Variants in ABCG4 observed in about 807,000 individuals in gnomAD.
The protein encoded by ABCG4 is ATP binding cassette subfamily G member 4.
ABCG4 carries 35 observed loss-of-function variants against 64.6 expected under a neutral mutation model. The ratio of observed to expected loss-of-function variants is 0.54; its 90% confidence interval spans 0.41 to 0.72. The LOEUF (loss-of-function observed/expected upper bound fraction) is 0.72. Ranked by LOEUF, ABCG4 falls within the 30% of genes least tolerant of loss-of-function variation. The pLI is 0.00. For synonymous variants in ABCG4, 326 were observed against 348.2 expected (o/e 0.94, Z 0.71); for missense variants, 610 against 846.3 (o/e 0.72, Z 3.46).
chr11:119,151,882 T>C (rs1486484632), intron 2 of ABCG4, among the ~76,000 whole-genome samples: 1 of 152,200 alleles, frequency 6.6e-6, no homozygotes, highest in Admixed American at 6.5e-5. Context: ...CTGTGTGACC[T>C]TGGGCAGGCT....
At chr11:119,153,829 G>C (rs1948224784) in intron 2 of ABCG4, 197 bp from the exon 3 acceptor site, 1 of 601,418 alleles carries the variant, frequency 1.7e-6, no homozygotes, top group Non-Finnish European at 3.0e-6. Context: ...TTTGATATTA[G>C]TGGTGGTCGT....
chr11:119,157,051 G>A, intron 9 of ABCG4, 37 bp downstream of exon 9: 4 of 1,561,170 alleles, frequency 2.6e-6, no homozygotes, highest in Non-Finnish European at 3.5e-6. Flanking sequence ...AGGCATAGTT[G>A]GGGAGGGGAG....
chr11:119,159,900 C>T (rs914857366), intron 12 of ABCG4, among the ~76,000 whole-genome samples: 1 of 151,962 alleles, frequency 6.6e-6, no homozygotes, highest in African/African-American at 2.4e-5. Flanking sequence ...AATGGCTCTC[C>T]TATGGAGAGT....
rs370066057 is a variant in ABCG4, at chr11:119,149,931, C to T, written c.-12-23C>T. The T allele has an allele frequency of 7.0e-5, 111 of 1,591,874 alleles. No individual in the cohort carries two copies. The highest frequency in any genetic ancestry group is 2.2e-4 in the Middle Eastern group (1 of 4,550). ...GCCGGGCTCGGTGGTCTGCCCCAAACTGAGCAGGCCCTCCCCTTGCAGGTC... is the reference window on the plus strand; with the variant it reads ...GCCGGGCTCGGTGGTCTGCCCCAAATTGAGCAGGCCCTCCCCTTGCAGGTC... On this transcript the variant is annotated intron_variant, in intron 1 of 14. Coordinates refer to ENST00000619701, the MANE Select transcript of ABCG4 (RefSeq NM_022169.5). The surrounding 1 kb of genome is among the most constrained non-coding windows in gnomAD (Gnocchi z 8.3).
rs749677316 is a variant in ABCG4, at chr11:119,160,364, A to C, written c.1575A>C (p.Gly525=). The change falls in exon 13 of 15, where the codon GGA becomes GGC. Residue 525 remains glycine (G), a synonymous_variant. Transcript: ENST00000619701. The surrounding 1 kb of genome is among the most constrained non-coding windows in gnomAD (Gnocchi z 4.6). ...LVAQSLGLLI[G]AASNSLQVAT... ...CCCAATCTTTGGGGCTGCTGATCGG[A>C]GCTGCTTCCAACTCCCTACAGGTGG... 6.2e-7 allele frequency: 1 copy of C among 1,611,422 alleles called. No individual in the cohort carries two copies. The highest frequency in any genetic ancestry group is 1.1e-5 in the South Asian group (1 of 90,996).
In ABCG4 at chr11:119,156,808, G is replaced by T. The variant is rs1472367061; in HGVS notation, c.926-64G>T. The T allele has an allele frequency of 6.9e-6, 11 of 1,588,924 alleles. No individual in the cohort carries two copies. Among genetic ancestry groups the T allele is most frequent in the Non-Finnish European group, 9.5e-6 (11 of 1,163,280 alleles). ...CTGCCTTCCCCACACACCCAAGGCG[G>T]GACTGACTTGCCCTTGGGAAGTGAG... On this transcript the variant is annotated intron_variant, in intron 8 of 14. Transcript: ENST00000619701. The surrounding 1 kb of genome is among the most constrained non-coding windows in gnomAD (Gnocchi z 5.5).
intron 9 of ABCG4, 90 bp downstream of exon 9, chr11:119,157,104 A>G (rs1592306624): frequency 6.7e-7 from 1 of 1,500,550 alleles, no homozygotes; most frequent in Non-Finnish European, 8.9e-7. Context: ...GCTGTTCCCC[A>G]GAGGCATTGC....
rs752683213 is a variant in ABCG4 at position 119,160,281 on chromosome 11, G to A, written c.1492G>A (p.Ala498Thr). 1.2e-5 allele frequency: 20 copies of A among 1,613,638 alleles called. 1 individual carries two copies. Among genetic ancestry groups the A allele is most frequent in the South Asian group, 1.1e-4 (10 of 91,082 alleles). ...TGTGTACTGGATGACGGGCCAGCCC[G>A]CTGAGACCAGCCGCTTCCTGCTCTT... The part of the protein sequence containing the change: ...SIVYWMTGQP[A>T]ETSRFLLFSA... Residue 498 changes from alanine (A) to threonine (T), a missense_variant, in exon 13 of 15, where the codon GCT becomes ACT. Coordinates refer to ENST00000619701, the MANE Select transcript of ABCG4 (RefSeq NM_022169.5). This position sits in a 1 kb window ranked among gnomAD's most constrained non-coding sequence, Gnocchi z 4.6.
intron 2 of ABCG4, chr11:119,153,818 C>T (rs144110776): frequency 3.5e-6 from 2 of 578,600 alleles, no homozygotes; most frequent in South Asian, 2.1e-5. Flanking sequence ...GCCTCTGGTA[C>T]TTTGATATTA....
chr11:119,149,725 G>A lies in ABCG4; in HGVS notation c.-12-229G>A. 1.6e-6 allele frequency: 1 copy of A among 614,682 alleles called. No individual in the cohort carries two copies. Among genetic ancestry groups the A allele is most frequent in the Non-Finnish European group, 2.7e-6 (1 of 363,898 alleles). The allele number at this position is 614,682 out of a possible 1,614,324, so 38.1% of individuals were successfully genotyped here. ...AGAGAAGCCGCCGGGAGGAAGGAGCGATTGAGGGCTTCAAGGGGACGGGCT... is the reference window on the plus strand; with the variant it reads ...AGAGAAGCCGCCGGGAGGAAGGAGCAATTGAGGGCTTCAAGGGGACGGGCT... On this transcript the variant is annotated intron_variant, in intron 1 of 14. Transcript: ENST00000619701. This position sits in a 1 kb window ranked among gnomAD's most constrained non-coding sequence, Gnocchi z 8.3.
At position 119,150,527 on chromosome 11, in the gene ABCG4, G is replaced by A. The variant is rs1948182720; in HGVS notation, c.238+324G>A. Among the ~76,000 whole-genome samples, 1 of 152,162 alleles carries A rather than the reference G, an allele frequency of 6.6e-6. No individual in the cohort carries two copies. The highest frequency in any genetic ancestry group is 6.5e-5 in the Admixed American group (1 of 15,278). On this transcript the variant is annotated intron_variant, in intron 2 of 14. Transcript: ENST00000619701. The surrounding 1 kb of genome is among the most constrained non-coding windows in gnomAD (Gnocchi z 4.3). Reference sequence around the variant, plus strand: ...GTTTATGGAGGATTCCTACCTGTGAGGGCTGGTATGAAAAAGTAGGGGGCT... The same window carrying A: ...GTTTATGGAGGATTCCTACCTGTGAAGGCTGGTATGAAAAAGTAGGGGGCT...
At position 119,154,520 on chromosome 11, in the gene ABCG4, C is replaced by T. The variant is rs748618082; in HGVS notation, c.490-5C>T. On this transcript the variant is annotated splice_region_variant and splice_polypyrimidine_tract_variant and intron_variant, in intron 4 of 14. Coordinates refer to ENST00000619701, the MANE Select transcript of ABCG4 (RefSeq NM_022169.5). The surrounding 1 kb of genome is among the most constrained non-coding windows in gnomAD (Gnocchi z 7.0). ...TACTTTTCTTGCTTACTCTCTGGGC[C>T]CCAGGTCTCTGCTAACCTGAAGCTG... 5.6e-6 allele frequency: 9 copies of T among 1,614,120 alleles called. No individual in the cohort carries two copies. The highest frequency in any genetic ancestry group is 7.6e-6 in the Non-Finnish European group (9 of 1,180,010).
In ABCG4 at chr11:119,149,950, GCA is replaced by G. The variant is rs774594068; in HGVS notation, c.-12-3_-12-2del. The G allele has an allele frequency of 1.2e-6, 2 of 1,600,460 alleles. No homozygotes were observed. The highest frequency in any genetic ancestry group is 2.2e-5 in the South Asian group (2 of 90,814). On this transcript the variant is annotated splice_acceptor_variant and splice_polypyrimidine_tract_variant and intron_variant, in intron 1 of 14. Coordinates refer to ENST00000619701, the MANE Select transcript of ABCG4 (RefSeq NM_022169.5). LOFTEE classifies it low-confidence loss of function (5UTR_SPLICE). The surrounding 1 kb of genome is among the most constrained non-coding windows in gnomAD (Gnocchi z 8.3). Reference sequence around the variant, plus strand: ...CCCAAACTGAGCAGGCCCTCCCCTTGCAGGTCGGCGGCGTGATGGCGGAGAAG... The same window carrying G: ...CCCAAACTGAGCAGGCCCTCCCCTTGGGTCGGCGGCGTGATGGCGGAGAAG...
In ABCG4 at chr11:119,156,499, T is replaced by C; in HGVS notation, c.810+47T>C. 6.2e-7 allele frequency: 1 copy of C among 1,614,104 alleles called. No individual in the cohort carries two copies. The highest frequency in any genetic ancestry group is 8.5e-7 in the Non-Finnish European group (1 of 1,179,974). ...GGAGGATTGGCCTGAGATGGAGGGA[T>C]GGAAGGGGGTCAGTAGGGGTGCCTG... On this transcript the variant is annotated intron_variant, in intron 7 of 14. Coordinates refer to ENST00000619701, the MANE Select transcript of ABCG4 (RefSeq NM_022169.5). This position sits in a 1 kb window ranked among gnomAD's most constrained non-coding sequence, Gnocchi z 5.5.
In ABCG4 at chr11:119,154,511, T is replaced by C; in HGVS notation, c.490-14T>C. The C allele has an allele frequency of 6.2e-7, 1 of 1,614,120 alleles. No individual in the cohort carries two copies. Among genetic ancestry groups the C allele is most frequent in the Non-Finnish European group, 8.5e-7 (1 of 1,180,008 alleles). ...TCCCACACATACTTTTCTTGCTTAC[T>C]CTCTGGGCCCCAGGTCTCTGCTAAC... is the stretch of plus-strand genomic sequence containing the variant. On this transcript the variant is annotated splice_polypyrimidine_tract_variant and intron_variant, in intron 4 of 14. Coordinates refer to ENST00000619701, the MANE Select transcript of ABCG4 (RefSeq NM_022169.5). The surrounding 1 kb of genome is among the most constrained non-coding windows in gnomAD (Gnocchi z 7.0).
In ABCG4 at chr11:119,150,234, G is replaced by C; in HGVS notation, c.238+31G>C. On this transcript the variant is annotated intron_variant, in intron 2 of 14. Transcript: ENST00000619701. The surrounding 1 kb of genome is among the most constrained non-coding windows in gnomAD (Gnocchi z 4.3). Reference sequence around the variant, plus strand: ...GAACAGCCTGGTAGGGGGAGTCCGTGGGCCCTCTCTGAGTTGCCTCTCCAG... The same window carrying C: ...GAACAGCCTGGTAGGGGGAGTCCGTCGGCCCTCTCTGAGTTGCCTCTCCAG... 6.3e-7 allele frequency: 1 copy of C among 1,599,514 alleles called. No individual in the cohort carries two copies. The highest frequency in any genetic ancestry group is 8.5e-7 in the Non-Finnish European group (1 of 1,170,212).
Position 119,154,108 on chromosome 11 carries a change from C to T in ABCG4, c.321C>T (p.Gly107=). ...GCATCATGGGCCCCTCAGGGGCTGG[C>T]AAGTCTACATTCATGAACATCTTGG... The part of the protein sequence containing the change: ...LIGIMGPSGA[G]KSTFMNILAG... Residue 107 remains glycine (G), a synonymous_variant, in exon 3 of 15, where the codon GGC becomes GGT. Transcript: ENST00000619701. The surrounding 1 kb of genome is among the most constrained non-coding windows in gnomAD (Gnocchi z 7.0). The T allele has an allele frequency of 6.2e-7, 1 of 1,614,176 alleles. No homozygotes were observed. The highest frequency in any genetic ancestry group is 8.5e-7 in the Non-Finnish European group (1 of 1,180,030).
Sources: gnomAD v4.1 joint callset for allele counts (sites outside exome capture counted in the v4.1 genomes callset) on GRCh38, gnomAD v4.1.1 for gene constraint, Gnocchi (gnomAD v3.1) non-coding constraint, MANE v1.5 for transcripts, NCBI Gene and HGNC (gene_info 2026-07-23, HGNC 2026-07-21) for gene names.